SNX9: variants seen among roughly 807,000 people sequenced by gnomAD.
SNX9 encodes the protein sorting nexin-9.
A neutral mutation model predicts 89.4 loss-of-function variants in SNX9; 44 were observed. The observed-to-expected ratio is 0.49, with a 90% confidence interval of 0.39 to 0.63. The LOEUF is 0.63. SNX9 is among the 30% of genes least tolerant of loss of function. The pLI is 0.00. For missense variants in SNX9, 578 were observed against 736.1 expected, an observed-to-expected ratio of 0.79 and a Z score of 2.49; for synonymous variants, 236 against 247.8, an observed-to-expected ratio of 0.95 and a Z score of 0.45.
rs539961339 is a variant in SNX9 at position 157,825,969 on chromosome 6, A to T, written c.12+2523A>T. 6.6e-5 allele frequency among the ~76,000 whole-genome samples: 10 copies of T among 152,044 alleles called. No individual in the cohort carries two copies. In the South Asian group the frequency reaches 1.9e-3, roughly 28 times the overall value. On this transcript the variant is annotated intron_variant, in intron 1 of 17. Transcript: ENST00000392185. Reference sequence around the variant, plus strand: ...AGGCTGTTGCTATAAGTATTAACTGATGAAAAGTAAATTCAGTATCTGGAT... The same window carrying T: ...AGGCTGTTGCTATAAGTATTAACTGTTGAAAAGTAAATTCAGTATCTGGAT...
chr6:157,914,480 T>TTTTTTTTTTTTTTTTTTTTC (rs1562616572), intron 9 of SNX9, among the ~76,000 whole-genome samples: 6 of 133,328 alleles, frequency 4.5e-5, no homozygotes, highest in African/African-American at 1.5e-4. Context: ...TTTTTTTTTT[T>TTTTTTTTTTTTTTTTTTTTC]TTTTTTTTTT....
In SNX9 at chr6:157,866,507, G is replaced by A. The variant is rs139968305; in HGVS notation, c.13-1040G>A. 6.6e-4 allele frequency among the ~76,000 whole-genome samples: 100 copies of A among 152,252 alleles called. No individual in the cohort carries two copies. In the East Asian group the frequency reaches 0.017, roughly 26 times the overall value. ...GAGGATTGCTTGAGCCTGGTAGGTC[G>A]AGGCTGCATTGACCCATGATGGCAC... On this transcript the variant is annotated intron_variant, in intron 1 of 17. Coordinates refer to ENST00000392185, the MANE Select transcript of SNX9 (RefSeq NM_016224.5).
intron 1 of SNX9, among the ~76,000 whole-genome samples, chr6:157,850,855 G>A (rs1255145836): frequency 6.6e-6 from 1 of 152,228 alleles, no homozygotes; most frequent in Non-Finnish European, 1.5e-5. Flanking sequence ...TGCACCAGCT[G>A]TCAGCTGAAT....
intron 1 of SNX9, among the ~76,000 whole-genome samples, chr6:157,834,160 T>TTTG (rs1781531782): frequency 3.1e-5 from 3 of 98,322 alleles, no homozygotes; most frequent in African/African-American, 4.7e-5. Context: ...GTTTTTTTTT[T>TTTG]TTTTTTTTTT....
intron 6 of SNX9, 105 bp from the exon 7 acceptor site, chr6:157,906,023 C>T (rs17574013): frequency 0.049 from 44,154 of 909,228 alleles, 1,325 homozygotes; most frequent in Middle Eastern, 0.11. Context: ...CTAGTGCACC[C>T]GAAAGACAGG....
At chr6:157,910,967 G>A (rs1006270433) in intron 9 of SNX9, among the ~76,000 whole-genome samples, 6 of 152,050 alleles carry the variant, frequency 3.9e-5, no homozygotes, top group Admixed American at 2.0e-4. Context: ...TAAAAAATTA[G>A]CCCGGTGTGG....
chr6:157,865,445 G>A (rs901059181), intron 1 of SNX9, among the ~76,000 whole-genome samples: 5 of 147,422 alleles, frequency 3.4e-5, no homozygotes, highest in Non-Finnish European at 5.9e-5. Context: ...TGTTCTTCAT[G>A]ACGCCCTGAG....
intron 1 of SNX9, among the ~76,000 whole-genome samples, chr6:157,849,531 G>T (rs902854472): frequency 6.6e-6 from 1 of 152,218 alleles, no homozygotes; most frequent in Admixed American, 6.5e-5. Context: ...TTGGAGCAAG[G>T]CGCAGCAGGT....
chr6:157,847,773 G>A (rs933137668), intron 1 of SNX9, among the ~76,000 whole-genome samples: 10 of 152,138 alleles, frequency 6.6e-5, no homozygotes, highest in African/African-American at 1.9e-4. Context: ...TTACTTGTCG[G>A]TTGTGTAAAT....
At position 157,897,131 on chromosome 6, in the gene SNX9, G is replaced by A. The variant is rs1782996273; in HGVS notation, c.472+133G>A. On this transcript the variant is annotated intron_variant, in intron 5 of 17. Transcript: ENST00000392185. ...AGTTTTGTGACCACAGCATGGGAAG[G>A]GAGGATTGCCCCACCCACCAAGCAG... The A allele has an allele frequency of 8.0e-6, 7 of 871,042 alleles. No homozygotes were observed. In the East Asian group the frequency reaches 1.7e-4, roughly 21 times the overall value. 54.0% of individuals were successfully genotyped at this position (871,042 alleles called of 1,614,324 possible).
intron 7 of SNX9, among the ~76,000 whole-genome samples, chr6:157,909,354 G>A (rs1783286533): frequency 6.6e-6 from 1 of 152,216 alleles, no homozygotes; most frequent in African/African-American, 2.4e-5. Context: ...CGTGTAGCTT[G>A]AGACAGCTAG....
At chr6:157,849,803 A>G (rs965698185) in intron 1 of SNX9, among the ~76,000 whole-genome samples, 1 of 152,110 alleles carries the variant, frequency 6.6e-6, no homozygotes, top group Non-Finnish European at 1.5e-5. Context: ...TCTGTGCTGG[A>G]ATGCTGATGA....
At chr6:157,868,797 A>G (rs532060964) in intron 2 of SNX9, among the ~76,000 whole-genome samples, 3 of 152,242 alleles carry the variant, frequency 2.0e-5, no homozygotes, top group Non-Finnish European at 4.4e-5. Context: ...AAAAGCAGAT[A>G]GGGAGAATTT....
In SNX9 at chr6:157,903,279, C is replaced by G. The variant is rs138017295; in HGVS notation, c.620+1234C>G. On this transcript the variant is annotated intron_variant, in intron 6 of 17. Coordinates refer to ENST00000392185, the MANE Select transcript of SNX9 (RefSeq NM_016224.5). ...GAAAAATTAAAAACATAACATTTGA[C>G]ATATATTTAGACATCAAGATCTAGG... is the stretch of plus-strand genomic sequence containing the variant. 5.9e-5 allele frequency among the ~76,000 whole-genome samples: 9 copies of G among 152,228 alleles called. No individual in the cohort carries two copies. In the East Asian group the frequency reaches 1.7e-3, roughly 29 times the overall value.
intron 1 of SNX9, among the ~76,000 whole-genome samples, chr6:157,843,755 C>G (rs1046018135): frequency 3.4e-4 from 51 of 152,044 alleles, no homozygotes; most frequent in Non-Finnish European, 1.2e-4. Flanking sequence ...AATCCATACT[C>G]AATTCATTGC....
intron 6 of SNX9, among the ~76,000 whole-genome samples, chr6:157,905,784 C>T (rs1302565992): frequency 2.0e-5 from 3 of 152,158 alleles, no homozygotes; most frequent in South Asian, 2.1e-4. Context: ...CTCAGATTGG[C>T]GTGCTCACTA....
intron 12 of SNX9, among the ~76,000 whole-genome samples, chr6:157,929,575 T>C (rs1441337536): frequency 1.3e-5 from 2 of 152,220 alleles, no homozygotes; most frequent in African/African-American, 4.8e-5. Context: ...CTTCACCTCA[T>C]AACACCATAC....
chr6:157,854,965 A>G (rs920722771), intron 1 of SNX9, among the ~76,000 whole-genome samples: 1 of 151,432 alleles, frequency 6.6e-6, no homozygotes, highest in Non-Finnish European at 1.5e-5. Context: ...AAAAAAAAAA[A>G]AAAACCCCAC....
chr6:157,834,147 GTGGTTTTTTTTTTTTTTT>G (rs1781527631), intron 1 of SNX9, among the ~76,000 whole-genome samples: 1 of 71,232 alleles, frequency 1.4e-5, no homozygotes, highest in African/African-American at 9.3e-5. Flanking sequence ...GGTGTCCACT[GTGGTTTTTTTTTTTTTTT>G]TTTTTTTTTT....
Sources: allele counts gnomAD v4.1 joint callset (sites outside exome capture counted in the v4.1 genomes callset), GRCh38; gene constraint gnomAD v4.1.1; transcripts MANE v1.5; gene names NCBI Gene and HGNC (gene_info 2026-07-23, HGNC 2026-07-21).